PARG: variants seen among roughly 807,000 people sequenced by gnomAD.
The protein encoded by PARG is poly(ADP-ribose) glycohydrolase.
Under a neutral mutation model 113.0 loss-of-function variants are expected in PARG, and 35 were observed. That is an observed-to-expected ratio of 0.31 (90% confidence interval 0.24 to 0.41). The LOEUF is 0.41. PARG is among the 10% of genes least tolerant of loss of function. PARG has a pLI of 1.00. For synonymous variants in PARG, 330 were observed against 409.9 expected, an observed-to-expected ratio of 0.81 and a Z score of 2.36; for missense variants, 797 against 1,169.4, an observed-to-expected ratio of 0.68 and a Z score of 4.64.
At chr10:49,856,423 G>A (rs1311179948) in intron 13 of PARG, among the ~76,000 whole-genome samples, 2 of 151,976 alleles carry the variant, frequency 1.3e-5, no homozygotes, top group Non-Finnish European at 2.9e-5. Flanking sequence ...CAGGCCATCT[G>A]TCTGCCTTGG....
Position 49,934,167 on chromosome 10 carries a change from CAAGAG to C in PARG, c.285-9_285-5del. 1 of 987,616 alleles carries C rather than the reference CAAGAG, an allele frequency of 1.0e-6. No individual in the cohort carries two copies. Among genetic ancestry groups the C allele is most frequent in the Non-Finnish European group, 1.6e-6 (1 of 615,872 alleles). 61.2% of individuals were successfully genotyped at this position (987,616 alleles called of 1,614,324 possible). A position where few individuals can be genotyped will look rare whatever the true frequency, so the allele number is the denominator to read the frequency against. ...GTTGTTTTCTTTACTATCCAAACTA[CAAGAG>C]AACAGAAAGAACTAAAAACAACTTA... On this transcript the variant is annotated splice_region_variant and splice_polypyrimidine_tract_variant and intron_variant, in intron 2 of 17. Coordinates refer to ENST00000616448, the MANE Select transcript of PARG (RefSeq NM_003631.5).
chr10:49,826,995 C>G (rs1554829492), intron 16 of PARG, among the ~76,000 whole-genome samples: 1 of 152,196 alleles, frequency 6.6e-6, no homozygotes, highest in African/African-American at 2.4e-5. Context: ...ATACCTGAGG[C>G]CAACTCTACC....
intron 7 of PARG, among the ~76,000 whole-genome samples, chr10:49,888,042 T>C (rs1252378602): frequency 6.6e-6 from 1 of 151,778 alleles, no homozygotes; most frequent in Non-Finnish European, 1.5e-5. Context: ...TTTGAATAGA[T>C]TTTTTTTTAA....
chr10:49,922,046 C>CA (rs1334808084), intron 6 of PARG, among the ~76,000 whole-genome samples: 3 of 151,612 alleles, frequency 2.0e-5, no homozygotes, highest in African/African-American at 7.3e-5. Context: ...AATTTTAAAA[C>CA]AAAAAAAAGA....
intron 7 of PARG, among the ~76,000 whole-genome samples, chr10:49,895,018 G>C (rs1244602352): frequency 3.3e-5 from 5 of 152,076 alleles, no homozygotes; most frequent in African/African-American, 1.2e-4. Context: ...TTTTCCCTCA[G>C]TGTCTTTGTC....
At chr10:49,928,063 G>T (rs1838299488) in intron 4 of PARG, among the ~76,000 whole-genome samples, 1 of 152,030 alleles carries the variant, frequency 6.6e-6, no homozygotes, top group Admixed American at 6.5e-5. Flanking sequence ...CTGAGGTCAG[G>T]AGTTTAAGAG....
intron 14 of PARG, among the ~76,000 whole-genome samples, chr10:49,843,272 A>G (rs949598122): frequency 4.3e-4 from 66 of 152,178 alleles, no homozygotes; most frequent in African/African-American, 1.5e-3. Context: ...TTTAACCTCC[A>G]CGGTTTCTGA....
In PARG at chr10:49,819,330, G is replaced by A. The variant is rs755745009; in HGVS notation, c.*10C>T. 11 of 1,547,572 alleles carry A rather than the reference G, an allele frequency of 7.1e-6. No homozygotes were observed. In the Admixed American group the frequency reaches 7.9e-5, roughly 11 times the overall value. ...TGGGAGGTGGGAGGAGATGCTATTC[G>A]CTCGGCTCCTCAGGTCCCTGTCCTT... On this transcript the variant is annotated 3_prime_UTR_variant, in exon 18 of 18. Coordinates refer to ENST00000616448, the MANE Select transcript of PARG (RefSeq NM_003631.5).
chr10:49,828,092 C>CAAAAAAAAAAAAAAAAAAAAAAAAAAA (rs71026274), intron 16 of PARG, among the ~76,000 whole-genome samples: 1 of 50,368 alleles, frequency 2.0e-5, no homozygotes, highest in Non-Finnish European at 3.5e-5. Context: ...AAAGCTTAAA[C>CAAAAAAAAAAAAAAAAAAAAAAAAAAA]AAAAAAAAAA....
intron 8 of PARG, among the ~76,000 whole-genome samples, chr10:49,883,902 A>T (rs1847335152): frequency 1.3e-5 from 2 of 150,116 alleles, no homozygotes; most frequent in South Asian, 4.3e-4. Context: ...GATGCTAGGT[A>T]CCTTGAGAAA....
chr10:49,882,494 C>T (rs1205731574), intron 8 of PARG, among the ~76,000 whole-genome samples: 5 of 152,210 alleles, frequency 3.3e-5, no homozygotes, highest in East Asian at 3.9e-4. Context: ...ATGCTCTCCC[C>T]GTTGATATGC....
At chr10:49,908,983 A>G (rs1405326484) in intron 7 of PARG, among the ~76,000 whole-genome samples, 1 of 152,228 alleles carries the variant, frequency 6.6e-6, no homozygotes, top group Non-Finnish European at 1.5e-5. Context: ...GGGTGGGGAT[A>G]GGAGGAATGA....
intron 16 of PARG, among the ~76,000 whole-genome samples, chr10:49,827,137 A>T (rs1278708978): frequency 1.3e-5 from 2 of 152,252 alleles, no homozygotes; most frequent in Non-Finnish European, 2.9e-5. Context: ...GTCTTTCTGG[A>T]GTAGTTACCA....
At chr10:49,911,977 A>AC (rs1239454591) in intron 7 of PARG, among the ~76,000 whole-genome samples, 13 of 152,342 alleles carry the variant, frequency 8.5e-5, no homozygotes, top group African/African-American at 2.9e-4. Flanking sequence ...CAAGCCACTC[A>AC]GAGTTCAATG....
chr10:49,892,214 T>A (rs1247513330), intron 7 of PARG, among the ~76,000 whole-genome samples: 1 of 152,106 alleles, frequency 6.6e-6, no homozygotes, highest in Non-Finnish European at 1.5e-5. Context: ...ATTTTTTACA[T>A]CACTAAAGGC....
intron 6 of PARG, among the ~76,000 whole-genome samples, 190 bp downstream of exon 6, chr10:49,922,146 G>A (rs1837909521): frequency 6.6e-6 from 1 of 152,194 alleles, no homozygotes; most frequent in South Asian, 2.1e-4. Flanking sequence ...TGTGGCTCCA[G>A]GCAAGGCATT....
At chr10:49,827,879 C>A (rs1554829637) in intron 16 of PARG, among the ~76,000 whole-genome samples, 1 of 151,688 alleles carries the variant, frequency 6.6e-6, no homozygotes. Flanking sequence ...TCAAGAAACA[C>A]CAAAAAGTAG....
At chr10:49,922,838 G>GT (rs1837956788) in intron 4 of PARG, among the ~76,000 whole-genome samples, 169 bp from the exon 5 acceptor site, 1 of 152,082 alleles carries the variant, frequency 6.6e-6, no homozygotes, top group Non-Finnish European at 1.5e-5. Context: ...ATTCAACCAG[G>GT]TCCAAGTCAC....
intron 16 of PARG, among the ~76,000 whole-genome samples, chr10:49,831,413 T>A (rs185502400): frequency 1.3e-5 from 2 of 152,154 alleles, no homozygotes; most frequent in African/African-American, 4.8e-5. Context: ...ACTTTGTAAC[T>A]GTGGTATAAA....
Sources: gnomAD v4.1 joint callset for allele counts (sites outside exome capture counted in the v4.1 genomes callset) on GRCh38, gnomAD v4.1.1 for gene constraint, MANE v1.5 for transcripts, NCBI Gene and HGNC (gene_info 2026-07-23, HGNC 2026-07-21) for gene names.